Variants in GSN observed in about 807,000 individuals in gnomAD.
The protein encoded by GSN is actin-depolymerizing factor.
A neutral mutation model predicts 85.7 loss-of-function variants in GSN; 56 were observed. The ratio of observed to expected loss-of-function variants is 0.65; its 90% confidence interval spans 0.53 to 0.82. The LOEUF (loss-of-function observed/expected upper bound fraction) is 0.82, where lower values mean the gene tolerates loss of function less well. Ranked by LOEUF, GSN falls within the 40% of genes least tolerant of loss-of-function variation. The pLI is 0.00. For synonymous variants in GSN, 373 were observed against 399.1 expected (o/e 0.93, Z 0.78); for missense variants, 857 against 979.8 (o/e 0.87, Z 1.67).
chr9:121,330,474 T>G (rs1435659274), intron 16 of GSN, among the ~76,000 whole-genome samples: 1 of 151,878 alleles, frequency 6.6e-6, no homozygotes, highest in Admixed American at 6.6e-5. Flanking sequence ...ACTTGGGAGG[T>G]CGAGGCAGAA....
intron 6 of GSN, among the ~76,000 whole-genome samples, chr9:121,259,915 C>G (rs1044112819): frequency 6.6e-6 from 1 of 152,192 alleles, no homozygotes; most frequent in African/African-American, 2.4e-5. Context: ...TTCTGGGGTA[C>G]TTCACCTTAA....
intron 14 of GSN, among the ~76,000 whole-genome samples, chr9:121,327,736 G>T (rs2063398076): frequency 6.6e-6 from 1 of 152,216 alleles, no homozygotes; most frequent in Non-Finnish European, 1.5e-5. Flanking sequence ...CACTTTGGGA[G>T]GCTAAGGCGG....
At chr9:121,221,235 C>T (rs1252499240) in intron 4 of GSN, among the ~76,000 whole-genome samples, 2 of 152,220 alleles carry the variant, frequency 1.3e-5, no homozygotes, top group Non-Finnish European at 2.9e-5. Context: ...ATTTCCATCT[C>T]CCTTTACATA....
chr9:121,216,462 C>T (rs889717278), intron 4 of GSN, among the ~76,000 whole-genome samples: 1 of 152,228 alleles, frequency 6.6e-6, no homozygotes, highest in Non-Finnish European at 1.5e-5. Flanking sequence ...TAATCTGACA[C>T]AGGACAGACA....
chr9:121,203,271 A>G (rs1416793909), upstream of GSN: 1 of 152,156 alleles, frequency 6.6e-6, no homozygotes, highest in Non-Finnish European at 1.5e-5. Context: ...GAGTGTCTGC[A>G]CTTAAGTTCA....
At chr9:121,282,468 C>A in intron 2 of GSN, 1 of 1,272,184 alleles carries the variant, frequency 7.9e-7, no homozygotes, top group Non-Finnish European at 1.0e-6. Context: ...ACAGGACTTA[C>A]GCGTCTGCTG....
At chr9:121,217,733 A>G (rs1298304205) in intron 4 of GSN, among the ~76,000 whole-genome samples, 1 of 151,604 alleles carries the variant, frequency 6.6e-6, no homozygotes, top group Non-Finnish European at 1.5e-5. Flanking sequence ...TCAGCCCACA[A>G]CAGCCATTTC....
chr9:121,271,679 G>T (rs1434518929), intron 1 of GSN, among the ~76,000 whole-genome samples: 2 of 152,216 alleles, frequency 1.3e-5, no homozygotes, highest in Non-Finnish European at 2.9e-5. Flanking sequence ...GGGTGTCGGT[G>T]TGCAGAGCTT....
chr9:121,247,337 G>A (rs1034188944), intron 5 of GSN, among the ~76,000 whole-genome samples: 3 of 152,198 alleles, frequency 2.0e-5, no homozygotes, highest in Non-Finnish European at 4.4e-5. Flanking sequence ...CCACACTGCT[G>A]TCTGGCATTT....
intron 4 of GSN, among the ~76,000 whole-genome samples, chr9:121,216,945 G>C (rs1471525596): frequency 3.3e-5 from 5 of 152,140 alleles, no homozygotes; most frequent in Non-Finnish European, 7.4e-5. Flanking sequence ...GTCTTCACAT[G>C]GTCTTCCCTC....
rs149010673 is a variant in GSN at position 121,236,746 on chromosome 9, G to A, written c.-389+5443G>A. ...ACAGCTCAGGGCTTGCATCAGGAAG[G>A]AGCAGGAATAAAACTCCAAAACTTC... On this transcript the variant is annotated intron_variant, in intron 5 of 24. Transcript: ENST00000373823. Among the ~76,000 whole-genome samples the A allele has an allele frequency of 1.2e-4, 18 of 152,286 alleles. No individual in the cohort carries two copies. In the East Asian group the frequency reaches 3.5e-3, roughly 29 times the overall value.
intron 6 of GSN, chr9:121,312,788 A>G (rs2061320973): frequency 4.9e-6 from 1 of 205,360 alleles, no homozygotes; most frequent in Admixed American, 5.6e-5. Context: ...CTACCAAGCC[A>G]GGCTAACTTT....
chr9:121,208,822 T>A (rs2053923640), intron 1 of GSN, among the ~76,000 whole-genome samples: 1 of 152,202 alleles, frequency 6.6e-6, no homozygotes, highest in Non-Finnish European at 1.5e-5. Context: ...TGCCATACCA[T>A]CCTTCATTGC....
chr9:121,249,910 T>C (rs1214889427), intron 6 of GSN, among the ~76,000 whole-genome samples: 1 of 152,208 alleles, frequency 6.6e-6, no homozygotes, highest in Non-Finnish European at 1.5e-5. Flanking sequence ...GGCTGTTTCT[T>C]GAGAAGTAAA....
intron 6 of GSN, among the ~76,000 whole-genome samples, chr9:121,257,515 C>T (rs1456305753): frequency 3.9e-5 from 6 of 152,166 alleles, no homozygotes; most frequent in African/African-American, 1.2e-4. Flanking sequence ...CTTCCATTAG[C>T]TCATTGAACT....
intron 5 of GSN, among the ~76,000 whole-genome samples, chr9:121,231,609 A>G (rs903260230): frequency 6.6e-6 from 1 of 152,218 alleles, no homozygotes; most frequent in East Asian, 1.9e-4. Flanking sequence ...AGCCAATTCA[A>G]CTGAGAGCTG....
chr9:121,302,376 A>C (rs375354285), intron 3 of GSN, among the ~76,000 whole-genome samples: 1 of 152,184 alleles, frequency 6.6e-6, no homozygotes, highest in South Asian at 2.1e-4. Context: ...TCCTTTGGCA[A>C]GTCACTTAGT....
intron 4 of GSN, among the ~76,000 whole-genome samples, chr9:121,306,609 A>T (rs1256429197): frequency 6.6e-6 from 1 of 152,254 alleles, no homozygotes; most frequent in African/African-American, 2.4e-5. Flanking sequence ...AAAACAATTT[A>T]TCCTGTAGAA....
intron 6 of GSN, among the ~76,000 whole-genome samples, chr9:121,257,135 C>T (rs1236813120): frequency 6.6e-6 from 1 of 151,242 alleles, no homozygotes; most frequent in Non-Finnish European, 1.5e-5. Flanking sequence ...TATTATTTAT[C>T]AATTAAAAAA....
Sources: allele counts gnomAD v4.1 joint callset (sites outside exome capture counted in the v4.1 genomes callset), GRCh38; gene constraint gnomAD v4.1.1; transcripts MANE v1.5; gene names NCBI Gene and HGNC (gene_info 2026-07-23, HGNC 2026-07-21).